The following CTNNA2 variants were observed in gnomAD, a reference collection of about 807,000 sequenced individuals.
The protein encoded by CTNNA2 is catenin alpha 2.
A neutral mutation model predicts 101.0 loss-of-function variants in CTNNA2; 42 were observed. The ratio of observed to expected loss-of-function variants is 0.42; its 90% CI spans 0.32 to 0.54. The LOEUF (loss-of-function observed/expected upper bound fraction) is 0.54. CTNNA2 is among the 20% of genes least tolerant of loss of function. The probability of loss-of-function intolerance (pLI) is 0.14; values close to 1 mark genes in which losing one functional copy is unlikely to be tolerated. For synonymous variants in CTNNA2, 450 were observed against 456.4 expected (o/e 0.99, Z 0.18); for missense variants, 871 against 1,223.1 (o/e 0.71, Z 4.29).
intron 2 of CTNNA2, among the ~76,000 whole-genome samples, chr2:79,254,750 TACTA>T (rs552341541): frequency 1.2e-4 from 18 of 149,308 alleles, no homozygotes; most frequent in African/African-American, 4.5e-4. Context: ...GTAATTTACT[TACTA>T]AAGTTTTAAT....
intron 1 of CTNNA2, among the ~76,000 whole-genome samples, chr2:79,610,810 G>A (rs886633091): frequency 1.3e-5 from 2 of 152,064 alleles, no homozygotes; most frequent in Non-Finnish European, 2.9e-5. Flanking sequence ...GATTTCTCAT[G>A]TTCCGCAAAT....
At chr2:79,375,099 T>A (rs1677952490) in intron 4 of CTNNA2, among the ~76,000 whole-genome samples, 1 of 152,108 alleles carries the variant, frequency 6.6e-6, no homozygotes, top group East Asian at 1.9e-4. Context: ...TGTTGTTGGG[T>A]CTCATTTTGA....
intron 2 of CTNNA2, among the ~76,000 whole-genome samples, chr2:79,290,582 A>G (rs1335163629): frequency 6.6e-6 from 1 of 152,226 alleles, no homozygotes; most frequent in East Asian, 1.9e-4. Flanking sequence ...AGAGGAACAC[A>G]CCAGCAGAAG....
intron 7 of CTNNA2, among the ~76,000 whole-genome samples, chr2:80,009,485 A>C (rs568892047): frequency 9.6e-4 from 146 of 152,338 alleles, no homozygotes; most frequent in African/African-American, 3.3e-3. Context: ...TGTGAAATGC[A>C]GCTGTCTAGT....
rs1424681689 is a variant in CTNNA2, at chr2:79,642,916, G to A, written c.-5-8636G>A. ...ACTTTAAAAAAAAAATTAACAGGCC[G>A]GGCACGGTGGCTATGCCTGTAATCC... is the stretch of plus-strand genomic sequence containing the variant. On this transcript the variant is annotated intron_variant, in intron 1 of 18. Transcript: ENST00000402739. 3.3e-5 allele frequency among the ~76,000 whole-genome samples: 5 copies of A among 151,774 alleles called. No homozygotes were observed. In the South Asian group the frequency reaches 6.2e-4, roughly 19 times the overall value.
intron 7 of CTNNA2, among the ~76,000 whole-genome samples, chr2:79,946,511 T>C (rs907660061): frequency 1.3e-5 from 2 of 152,186 alleles, no homozygotes; most frequent in African/African-American, 2.4e-5. Context: ...GAAGTATATA[T>C]CTAAATGATA....
intron 7 of CTNNA2, among the ~76,000 whole-genome samples, chr2:80,125,371 C>A (rs192328227): frequency 2.6e-5 from 4 of 152,070 alleles, no homozygotes; most frequent in African/African-American, 7.2e-5. Context: ...TGGGGACCTA[C>A]GAAGATTACA....
At chr2:79,202,558 TCC>T (rs1284558842) in intron 2 of CTNNA2, among the ~76,000 whole-genome samples, 1 of 152,120 alleles carries the variant, frequency 6.6e-6, no homozygotes, top group Non-Finnish European at 1.5e-5. Flanking sequence ...TAACTCCGTT[TCC>T]CCTGTAACCT....
At chr2:80,043,011 TTCTTTC>T (rs1696174340) in intron 7 of CTNNA2, among the ~76,000 whole-genome samples, 1 of 149,750 alleles carries the variant, frequency 6.7e-6, no homozygotes, top group East Asian at 2.0e-4. Flanking sequence ...TTTCCTTCCT[TTCTTTC>T]CCTTTCTTTC....
intron 6 of CTNNA2, among the ~76,000 whole-genome samples, chr2:79,909,344 C>T (rs959958721): frequency 6.6e-5 from 10 of 152,236 alleles, no homozygotes; most frequent in African/African-American, 2.4e-4. Context: ...AAAGCTCTTC[C>T]GTTGAGATAG....
chr2:80,281,082 T>G (rs1465450090), intron 7 of CTNNA2, among the ~76,000 whole-genome samples: 1 of 152,176 alleles, frequency 6.6e-6, no homozygotes, highest in Non-Finnish European at 1.5e-5. Flanking sequence ...TGCTATTGGC[T>G]ATTAGCTAAA....
chr2:79,544,588 A>G (rs1209198845), intron 1 of CTNNA2, among the ~76,000 whole-genome samples: 2 of 152,176 alleles, frequency 1.3e-5, no homozygotes, highest in Non-Finnish European at 2.9e-5. Context: ...GCTTTTTATG[A>G]AAGTGCAGGG....
chr2:80,098,892 G>C (rs1023245270), intron 7 of CTNNA2, among the ~76,000 whole-genome samples: 3 of 152,108 alleles, frequency 2.0e-5, no homozygotes, highest in Non-Finnish European at 4.4e-5. Flanking sequence ...CGATTTTCCA[G>C]ATGCCATCTG....
chr2:79,989,794 T>C (rs1692038948), intron 7 of CTNNA2, among the ~76,000 whole-genome samples: 1 of 152,168 alleles, frequency 6.6e-6, no homozygotes, highest in Admixed American at 6.5e-5. Context: ...ATCAAATCTC[T>C]CTCCTGAGAT....
chr2:79,569,007 C>T (rs554935881), intron 1 of CTNNA2, among the ~76,000 whole-genome samples: 2 of 152,002 alleles, frequency 1.3e-5, no homozygotes, highest in Non-Finnish European at 2.9e-5. Context: ...GCACTACAGC[C>T]TTGGTTACAG....
At position 79,278,252 on chromosome 2, in the gene CTNNA2, A is replaced by C. The variant is rs1273679280; in HGVS notation, c.-405-34457A>C. Among the ~76,000 whole-genome samples the C allele has an allele frequency of 3.9e-5, 6 of 152,156 alleles. No homozygotes were observed. The East Asian group carries it at 1.2e-3, about 29-fold the overall frequency. On this transcript the variant is annotated intron_variant, in intron 2 of 21. Coordinates refer to the CTNNA2 transcript ENST00000466387. ...AGGATCAAAATGGGTCATAAGTAGC[A>C]ACCCCAGGGACACTATTGGCAATTA...
intron 7 of CTNNA2, among the ~76,000 whole-genome samples, chr2:80,215,949 G>A (rs1299291102): frequency 6.6e-6 from 1 of 152,166 alleles, no homozygotes; most frequent in Non-Finnish European, 1.5e-5. Context: ...TCCTACTCAA[G>A]CCTCAGCAAT....
chr2:79,687,975 G>A (rs1684050024), intron 2 of CTNNA2, among the ~76,000 whole-genome samples: 2 of 152,204 alleles, frequency 1.3e-5, no homozygotes, highest in South Asian at 4.1e-4. Context: ...TAAAGTGAGA[G>A]CATCTTGTCT....
At chr2:79,673,248 C>G (rs1308533964) in intron 2 of CTNNA2, among the ~76,000 whole-genome samples, 1 of 151,916 alleles carries the variant, frequency 6.6e-6, no homozygotes, top group Non-Finnish European at 1.5e-5. Context: ...CTTTATAGAG[C>G]AAAGTTATAC....
Sources: gnomAD v4.1 joint callset for allele counts (sites outside exome capture counted in the v4.1 genomes callset) on GRCh38, gnomAD v4.1.1 for gene constraint, MANE v1.5 for transcripts, NCBI Gene and HGNC (gene_info 2026-07-23, HGNC 2026-07-21) for gene names.